Variants in SSH2 observed in about 807,000 individuals in gnomAD.
The protein encoded by SSH2 is protein phosphatase Slingshot homolog 2.
SSH2 carries 37 observed loss-of-function variants against 135.2 expected under a neutral mutation model. That is an observed-to-expected ratio of 0.27 (90% confidence interval 0.21 to 0.36). The LOEUF is 0.36. SSH2 is among the 10% of genes least tolerant of loss of function. The pLI, the probability that SSH2 is intolerant of heterozygous loss-of-function variation, is 1.00. For synonymous variants in SSH2, 628 were observed against 646.2 expected (o/e 0.97, Z 0.43); for missense variants, 1,408 against 1,765.3 (o/e 0.80, Z 3.63).
intron 11 of SSH2, among the ~76,000 whole-genome samples, chr17:29,663,799 A>G (rs530789630): frequency 2.6e-5 from 4 of 152,362 alleles, no homozygotes; most frequent in African/African-American, 9.6e-5. Flanking sequence ...GTACAACACC[A>G]AGAGTGAACC....
At chr17:29,908,411 G>T (rs1054180077) in intron 1 of SSH2, among the ~76,000 whole-genome samples, 1 of 152,110 alleles carries the variant, frequency 6.6e-6, no homozygotes, top group African/African-American at 2.4e-5. Context: ...TATACAGTGA[G>T]CCATGATTGT....
At chr17:29,898,233 G>C (rs1335149548) in intron 1 of SSH2, among the ~76,000 whole-genome samples, 6 of 152,146 alleles carry the variant, frequency 3.9e-5, no homozygotes, top group Middle Eastern at 3.4e-3. Context: ...AGAAGCAAGA[G>C]CAATCACATT....
intron 9 of SSH2, among the ~76,000 whole-genome samples, chr17:29,670,005 C>T (rs2037428958): frequency 6.6e-6 from 1 of 151,820 alleles, no homozygotes; most frequent in Non-Finnish European, 1.5e-5. Flanking sequence ...CCTCAGCCTC[C>T]TGAGTAGCTG....
intron 3 of SSH2, among the ~76,000 whole-genome samples, chr17:29,724,983 T>G (rs1024300042): frequency 6.6e-6 from 1 of 151,964 alleles, no homozygotes; most frequent in African/African-American, 2.4e-5. Flanking sequence ...ATTCAACAGG[T>G]ATTTGTTGAG....
intron 3 of SSH2, among the ~76,000 whole-genome samples, chr17:29,751,846 G>C (rs979198604): frequency 7.2e-5 from 11 of 152,050 alleles, no homozygotes; most frequent in Non-Finnish European, 1.5e-4. Flanking sequence ...CCAAGTAAGA[G>C]TTTTAGCAAG....
chr17:29,770,102 T>G (rs1046728357), intron 3 of SSH2, among the ~76,000 whole-genome samples: 4 of 148,064 alleles, frequency 2.7e-5, no homozygotes, highest in Non-Finnish European at 6.0e-5. Context: ...GTTTTTTTTT[T>G]TTTTTTTTTT....
chr17:29,751,602 C>T (rs921637724), intron 3 of SSH2, among the ~76,000 whole-genome samples: 1 of 152,234 alleles, frequency 6.6e-6, no homozygotes, highest in African/African-American at 2.4e-5. Flanking sequence ...TCACCACAAA[C>T]ACATGAGTAA....
chr17:29,925,583 T>C (rs939094604), intron 1 of SSH2: 7 of 397,684 alleles, frequency 1.8e-5, no homozygotes, highest in African/African-American at 1.4e-4. Flanking sequence ...TAAAATTAGC[T>C]GGGCAGTCCC....
At chr17:29,761,905 G>A (rs527814196) in intron 3 of SSH2, among the ~76,000 whole-genome samples, 3 of 139,858 alleles carry the variant, frequency 2.1e-5, no homozygotes, top group Non-Finnish European at 4.6e-5. Flanking sequence ...TTGAGATGGA[G>A]TTTCTGCTAT....
chr17:29,910,221 T>C (rs1349995711), intron 1 of SSH2, among the ~76,000 whole-genome samples: 1 of 152,174 alleles, frequency 6.6e-6, no homozygotes, highest in African/African-American at 2.4e-5. Flanking sequence ...AGTGCTGGGA[T>C]TACAGGCTTG....
intron 9 of SSH2, among the ~76,000 whole-genome samples, chr17:29,670,534 G>A (rs2037450176): frequency 6.6e-6 from 1 of 152,088 alleles, no homozygotes; most frequent in African/African-American, 2.4e-5. Context: ...TGGTGGCTAC[G>A]CCTGTAATCC....
intron 3 of SSH2, among the ~76,000 whole-genome samples, chr17:29,781,726 C>T (rs529013689): frequency 1.4e-4 from 21 of 151,760 alleles, no homozygotes; most frequent in Admixed American, 2.6e-4. Context: ...GATCCGCCTG[C>T]CTCAGCTTCC....
At chr17:29,820,399 C>A (rs902545390) in intron 2 of SSH2, among the ~76,000 whole-genome samples, 6 of 152,210 alleles carry the variant, frequency 3.9e-5, no homozygotes, top group Non-Finnish European at 8.8e-5. Flanking sequence ...TCCATTCATT[C>A]AAGAGCTATC....
intron 1 of SSH2, among the ~76,000 whole-genome samples, chr17:29,861,588 C>T (rs900738503): frequency 5.0e-4 from 76 of 151,082 alleles, no homozygotes; most frequent in African/African-American, 1.7e-3. Context: ...TTTCTTGAGA[C>T]GGTCTTGCTG....
At chr17:29,920,716 A>T (rs1234553971) in intron 1 of SSH2, among the ~76,000 whole-genome samples, 1 of 152,200 alleles carries the variant, frequency 6.6e-6, no homozygotes, top group East Asian at 1.9e-4. Flanking sequence ...AATAGCTTTA[A>T]AACATATAGG....
intron 14 of SSH2, among the ~76,000 whole-genome samples, chr17:29,639,017 A>G (rs2150977379): frequency 6.6e-6 from 1 of 152,364 alleles, no homozygotes; most frequent in East Asian, 1.9e-4. Context: ...GCATTCTGGA[A>G]TCAGAAAGCA....
chr17:29,704,116 T>A (rs1286848082), intron 3 of SSH2, among the ~76,000 whole-genome samples: 1 of 152,204 alleles, frequency 6.6e-6, no homozygotes, highest in Admixed American at 6.5e-5. Context: ...TTAGTTATTA[T>A]AAGTAGATTA....
chr17:29,868,874 A>AT (rs1175203456), intron 1 of SSH2, among the ~76,000 whole-genome samples: 1 of 152,132 alleles, frequency 6.6e-6, no homozygotes, highest in African/African-American at 2.4e-5. Context: ...AGTCCCTCTC[A>AT]TCCAGCATCA....
intron 1 of SSH2, among the ~76,000 whole-genome samples, chr17:29,854,524 A>G (rs1215352711): frequency 6.6e-6 from 1 of 151,880 alleles, no homozygotes; most frequent in African/African-American, 2.4e-5. Context: ...CAATTATAGT[A>G]ATAAAATGTT....
Sources: gnomAD v4.1 joint callset for allele counts (sites outside exome capture counted in the v4.1 genomes callset) on GRCh38, gnomAD v4.1.1 for gene constraint, MANE v1.5 for transcripts, NCBI Gene and HGNC (gene_info 2026-07-23, HGNC 2026-07-21) for gene names.